C10orf67: variants seen among roughly 807,000 people sequenced by gnomAD.
C10orf67 encodes the protein chromosome 10 open reading frame 67.
Under a neutral mutation model 35.6 loss-of-function variants are expected in C10orf67, and 60 were observed. That is an observed-to-expected ratio of 1.68 (90% confidence interval 1.37 to 2.09). The LOEUF (loss-of-function observed/expected upper bound fraction) is 2.09, where lower values mean the gene tolerates loss of function less well. Ranked by LOEUF, C10orf67 falls within the 30% of genes most tolerant of loss-of-function variation. The pLI is 0.00. For synonymous variants in C10orf67, 167 were observed against 115.8 expected (o/e 1.44, Z -2.84); for missense variants, 474 against 330.2 (o/e 1.44, Z -3.38).
chr10:23,245,282 T>A (rs1842288355), intron 12 of C10orf67, among the ~76,000 whole-genome samples: 1 of 152,098 alleles, frequency 6.6e-6, no homozygotes, highest in African/African-American at 2.4e-5. Context: ...GAGGGAAAGC[T>A]TTTTCACATT....
At chr10:23,309,151 T>G (rs890394888) in intron 4 of C10orf67, among the ~76,000 whole-genome samples, 6 of 152,210 alleles carry the variant, frequency 3.9e-5, no homozygotes, top group African/African-American at 1.4e-4. Context: ...CATCAATGGT[T>G]GATTGTATAA....
intron 13 of C10orf67, among the ~76,000 whole-genome samples, chr10:23,236,822 A>G (rs1842064198): frequency 6.6e-6 from 1 of 152,208 alleles, no homozygotes; most frequent in African/African-American, 2.4e-5. Flanking sequence ...GGTTGCAGTG[A>G]GCCAAGATCG....
chr10:23,328,570 C>G (rs1173357205), intron 2 of C10orf67, among the ~76,000 whole-genome samples: 3 of 151,950 alleles, frequency 2.0e-5, no homozygotes. Flanking sequence ...ACTGCACTAA[C>G]TCTGGATTCT....
At chr10:23,228,498 C>A (rs1319503114) in intron 13 of C10orf67, among the ~76,000 whole-genome samples, 1 of 152,082 alleles carries the variant, frequency 6.6e-6, no homozygotes, top group African/African-American at 2.4e-5. Context: ...AGAAGAAAAC[C>A]TAGGCAATAC....
At chr10:23,282,220 G>T (rs1028796665) in intron 7 of C10orf67, 142 bp from the exon 8 acceptor site, 1 of 357,774 alleles carries the variant, frequency 2.8e-6, no homozygotes, top group African/African-American at 2.1e-5. Context: ...AATTTCTACA[G>T]ATTATCATCT....
At chr10:23,334,915 G>GC (rs963913181) in intron 1 of C10orf67, among the ~76,000 whole-genome samples, 18 of 152,160 alleles carry the variant, frequency 1.2e-4, no homozygotes, top group African/African-American at 4.3e-4. Context: ...TAGGTTGGGC[G>GC]CAGTGGCTCA....
intron 13 of C10orf67, among the ~76,000 whole-genome samples, chr10:23,228,109 CA>C (rs1210044850): frequency 6.6e-6 from 1 of 151,958 alleles, no homozygotes; most frequent in Non-Finnish European, 1.5e-5. Flanking sequence ...CATATGGAAC[CA>C]AAAAAGAGCC....
chr10:23,300,084 G>A (rs542702143), intron 5 of C10orf67, among the ~76,000 whole-genome samples: 1 of 152,068 alleles, frequency 6.6e-6, no homozygotes, highest in Non-Finnish European at 1.5e-5. Flanking sequence ...GAGGGTGATG[G>A]CATGGGCTGG....
At chr10:23,256,022 C>T (rs1015132564) in intron 10 of C10orf67, among the ~76,000 whole-genome samples, 2 of 152,006 alleles carry the variant, frequency 1.3e-5, no homozygotes, top group Non-Finnish European at 2.9e-5. Flanking sequence ...TTTTTTTCTT[C>T]AAGACAGTTT....
intron 10 of C10orf67, among the ~76,000 whole-genome samples, chr10:23,251,431 G>A (rs1213383170): frequency 6.6e-6 from 1 of 152,164 alleles, no homozygotes; most frequent in Non-Finnish European, 1.5e-5. Context: ...TCTACCAACT[G>A]AATCACAGTA....
chr10:23,224,607 C>T (rs559898721), intron 13 of C10orf67, among the ~76,000 whole-genome samples: 12 of 152,178 alleles, frequency 7.9e-5, no homozygotes, highest in East Asian at 3.9e-4. Flanking sequence ...TAGAACCCAT[C>T]GCAAAGAAGC....
chr10:23,289,602 T>C (rs1046467780), intron 7 of C10orf67, among the ~76,000 whole-genome samples: 19 of 152,240 alleles, frequency 1.2e-4, no homozygotes, highest in African/African-American at 4.6e-4. Flanking sequence ...TATAACTTTT[T>C]CCTTAACTGC....
At chr10:23,218,817 T>G (rs1841502176) in intron 15 of C10orf67, among the ~76,000 whole-genome samples, 1 of 152,212 alleles carries the variant, frequency 6.6e-6, no homozygotes, top group African/African-American at 2.4e-5. Flanking sequence ...TGGATATACA[T>G]TGTAATATTA....
intron 4 of C10orf67, among the ~76,000 whole-genome samples, chr10:23,306,947 A>G (rs1844308373): frequency 1.3e-5 from 2 of 152,344 alleles, no homozygotes. Flanking sequence ...TGAATATCCT[A>G]CTTTAATATT....
At chr10:23,260,965 G>C (rs1206410387) in intron 10 of C10orf67, among the ~76,000 whole-genome samples, 4 of 152,060 alleles carry the variant, frequency 2.6e-5, no homozygotes, top group African/African-American at 9.7e-5. Context: ...AATTGTAATT[G>C]AATTCGACTT....
chr10:23,215,058 T>G lies in C10orf67; in HGVS notation c.1570+8540A>C, dbSNP rs1018848834. On this transcript the variant is annotated intron_variant, in intron 15 of 15. Transcript: ENST00000636213. ...AAACATCAGGGGCAGAAAAGGGGCATAATTACAGATATTTTAGAATTAATA... is the reference window on the plus strand; with the variant it reads ...AAACATCAGGGGCAGAAAAGGGGCAGAATTACAGATATTTTAGAATTAATA... Among the ~76,000 whole-genome samples, 10 of 152,160 alleles carry G rather than the reference T, an allele frequency of 6.6e-5. No individual in the cohort carries two copies. In the South Asian group the frequency reaches 1.0e-3, roughly 16 times the overall value.
chr10:23,287,913 A>G (rs1371168352), intron 7 of C10orf67, among the ~76,000 whole-genome samples: 2 of 152,216 alleles, frequency 1.3e-5, no homozygotes, highest in African/African-American at 4.8e-5. Flanking sequence ...TCAAAACCAC[A>G]ATGAGATACC....
intron 4 of C10orf67, among the ~76,000 whole-genome samples, chr10:23,310,415 C>G (rs988289819): frequency 6.6e-6 from 1 of 152,222 alleles, no homozygotes; most frequent in Non-Finnish European, 1.5e-5. Flanking sequence ...CTCCAACTAT[C>G]TGGTGCAGAG....
chr10:23,333,294 G>C (rs1162968270), intron 1 of C10orf67, 112 bp from the exon 2 acceptor site: 1 of 974,628 alleles, frequency 1.0e-6, no homozygotes, highest in African/African-American at 1.6e-5. Flanking sequence ...ATTCTAAGAG[G>C]TTGGTGAGGT....
Sources: gnomAD v4.1 joint callset for allele counts (sites outside exome capture counted in the v4.1 genomes callset) on GRCh38, gnomAD v4.1.1 for gene constraint, MANE v1.5 for transcripts, NCBI Gene and HGNC (gene_info 2026-07-23, HGNC 2026-07-21) for gene names.